CLTC: variants seen among roughly 807,000 people sequenced by gnomAD.
The protein encoded by CLTC is clathrin heavy chain, also known as clathrin heavy chain 1.
In CLTC, 16 loss-of-function variants were observed where a neutral mutation model predicts 195.8. The ratio of observed to expected loss-of-function variants is 0.08; its 90% CI spans 0.06 to 0.12. The LOEUF (loss-of-function observed/expected upper bound fraction) is 0.12, where lower values mean the gene tolerates loss of function less well. CLTC is among the 10% of genes least tolerant of loss of function. The probability of loss-of-function intolerance (pLI) is 1.00; values close to 1 mark genes in which losing one functional copy is unlikely to be tolerated. For missense variants in CLTC, 796 were observed against 2,027.0 expected (o/e 0.39, Z 11.66); for synonymous variants, 667 against 689.4 (o/e 0.97, Z 0.51).
intron 2 of CLTC, 36 bp downstream of exon 2, chr17:59,644,519 CTA>C (rs769119047): frequency 6.0e-6 from 9 of 1,498,932 alleles, no homozygotes; most frequent in Non-Finnish European, 5.5e-6. Context: ...AAAACTCTTC[CTA>C]TGTTTTTGTT....
intron 1 of CLTC, among the ~76,000 whole-genome samples, chr17:59,640,924 T>C (rs2032011653): frequency 6.6e-6 from 1 of 151,906 alleles, no homozygotes; most frequent in Middle Eastern, 3.4e-3. Context: ...ATCGAGACCA[T>C]TCTGGCCAAC....
At chr17:59,646,674 C>T (rs1364342292) in intron 2 of CLTC, among the ~76,000 whole-genome samples, 3 of 152,194 alleles carry the variant, frequency 2.0e-5, no homozygotes, top group Non-Finnish European at 4.4e-5. Context: ...ACTCAGTGGA[C>T]TCTTAACACT....
intron 1 of CLTC, among the ~76,000 whole-genome samples, chr17:59,628,833 TG>T (rs1958396103): frequency 6.6e-6 from 1 of 152,118 alleles, no homozygotes; most frequent in Non-Finnish European, 1.5e-5. Context: ...GAATTTTTTT[TG>T]TATTTTTAGT....
chr17:59,656,111 C>T (rs1299986860), intron 6 of CLTC, 84 bp downstream of exon 6: 1 of 1,225,650 alleles, frequency 8.2e-7, no homozygotes, highest in East Asian at 2.7e-5. Flanking sequence ...AAATTACTCC[C>T]CAAGATTAAA....
intron 1 of CLTC, among the ~76,000 whole-genome samples, chr17:59,623,210 A>G (rs2031438055): frequency 6.6e-6 from 1 of 152,132 alleles, no homozygotes; most frequent in Non-Finnish European, 1.5e-5. Flanking sequence ...CAGGCATGGA[A>G]TGTGTTGTTG....
chr17:59,676,978 A>G lies in CLTC; in HGVS notation c.2586A>G (p.Leu862=). 1 of 1,614,058 alleles carries G rather than the reference A, an allele frequency of 6.2e-7. No individual in the cohort carries two copies. The highest frequency in any genetic ancestry group is 2.2e-5 in the East Asian group (1 of 44,870). ...GATTGAAACTGCTTCTGCCTTGGCT[A>G]GAGGCCAGAATTCATGAGGGCTGTG... ...RNRLKLLLPW[L]EARIHEGCEE... is the part of the protein sequence containing the mutation. Residue 862 remains leucine, a synonymous_variant, in exon 17 of 32, where the codon CTA becomes CTG. Transcript: ENST00000269122.
chr17:59,664,080 AT>A, intron 9 of CLTC, 86 bp downstream of exon 9: 1 of 1,116,300 alleles, frequency 9.0e-7, no homozygotes, highest in Non-Finnish European at 1.3e-6. Context: ...GATTACTTTA[AT>A]AGTGAATTTC....
chr17:59,664,952 G>A, intron 10 of CLTC, 43 bp downstream of exon 10: 1 of 1,605,956 alleles, frequency 6.2e-7, no homozygotes, highest in East Asian at 2.2e-5. Flanking sequence ...GATTGAAATG[G>A]AGAGTGGGGG....
At chr17:59,676,161 T>C (rs988048887) in intron 16 of CLTC, among the ~76,000 whole-genome samples, 4 of 152,112 alleles carry the variant, frequency 2.6e-5, no homozygotes, top group African/African-American at 9.7e-5. Flanking sequence ...AGCCCTCCAC[T>C]GCACTCCAGC....
At chr17:59,677,263 T>C (rs2032986850) in intron 17 of CLTC, 75 bp downstream of exon 17, 1 of 1,142,544 alleles carries the variant, frequency 8.8e-7, no homozygotes, top group African/African-American at 1.5e-5. Flanking sequence ...CAGGGTAATT[T>C]TAGGTAATAT....
intron 14 of CLTC, among the ~76,000 whole-genome samples, chr17:59,672,821 G>A (rs1483546006): frequency 2.0e-5 from 3 of 152,074 alleles, no homozygotes; most frequent in Admixed American, 2.0e-4. Flanking sequence ...ACCCTACTTA[G>A]TTCTGCTTCC....
chr17:59,661,656 A>T lies in CLTC; in HGVS notation c.1368+13A>T, dbSNP rs1329237754. The T allele has an allele frequency of 1.2e-6, 2 of 1,611,484 alleles. No homozygotes were observed. The highest frequency in any genetic ancestry group is 1.7e-6 in the Non-Finnish European group (2 of 1,177,702). On this transcript the variant is annotated intron_variant, in intron 8 of 31. Transcript: ENST00000269122. The stretch of plus-strand genomic sequence containing the variant: ...AAAAGAAGATAAGGTACGTTAAATT[A>T]TGTTGACATAATCTTGCTTTGGTTG...
At chr17:59,620,258 C>T in intron 1 of CLTC, 85 bp downstream of exon 1, 1 of 1,430,838 alleles carries the variant, frequency 7.0e-7, no homozygotes, top group Non-Finnish European at 9.8e-7. Context: ...CGAGCAGTAT[C>T]GGAGCTGGAG....
At chr17:59,669,510 G>A (rs1158411000) in intron 14 of CLTC, among the ~76,000 whole-genome samples, 7 of 152,222 alleles carry the variant, frequency 4.6e-5, no homozygotes, top group African/African-American at 7.2e-5. Flanking sequence ...GCAGGGAGGA[G>A]TAATGGTTGA....
chr17:59,654,932 G>T (rs1431243014), intron 5 of CLTC, among the ~76,000 whole-genome samples: 1 of 152,212 alleles, frequency 6.6e-6, no homozygotes, highest in Non-Finnish European at 1.5e-5. Context: ...TTTCTTAGAT[G>T]TGAGAAAATG....
Position 59,694,395 on chromosome 17 carries a change from A to T in CLTC, c.*543A>T, listed in dbSNP as rs1463368244. The T allele has an allele frequency of 3.1e-5, 7 of 224,580 alleles. No homozygotes were observed. Among genetic ancestry groups the T allele is most frequent in the Non-Finnish European group, 5.3e-5 (6 of 112,472 alleles). 13.9% of individuals were successfully genotyped at this position (224,580 alleles called of 1,614,324 possible). A position where few individuals can be genotyped will look rare whatever the true frequency, so the allele number is the denominator to read the frequency against. ...GCAGTGCTTCCCAGATTATTGAAAA[A>T]TGTTACAGACAACTTGCCTGATTTT... On this transcript the variant is annotated 3_prime_UTR_variant, in exon 32 of 32. Transcript: ENST00000269122.
intron 30 of CLTC, among the ~76,000 whole-genome samples, chr17:59,686,288 G>A (rs1288483041): frequency 6.6e-6 from 1 of 151,562 alleles, no homozygotes; most frequent in African/African-American, 2.4e-5. Context: ...TACCATAGGA[G>A]GTGAACATGG....
chr17:59,677,733 T>C (rs1379652631), intron 17 of CLTC, among the ~76,000 whole-genome samples: 1 of 152,252 alleles, frequency 6.6e-6, no homozygotes, highest in South Asian at 2.1e-4. Context: ...TTCATGTCTT[T>C]AGTCTCCTGT....
In CLTC at chr17:59,681,548, A is replaced by G. The variant is rs961364599; in HGVS notation, c.3249+70A>G. ...ATGAGGGTGGGCCTAATTGGTTGCT[A>G]CGGCAATAGAGCAGCAATAAAATAC... On this transcript the variant is annotated intron_variant, in intron 20 of 31. Transcript: ENST00000269122. This position sits in a 1 kb window ranked among gnomAD's most constrained non-coding sequence, Gnocchi z 5.0. 1 of 1,574,688 alleles carries G rather than the reference A, an allele frequency of 6.4e-7. No homozygotes were observed. The highest frequency in any genetic ancestry group is 8.7e-7 in the Non-Finnish European group (1 of 1,150,338).
Sources: allele counts gnomAD v4.1 joint callset (sites outside exome capture counted in the v4.1 genomes callset), GRCh38; gene constraint gnomAD v4.1.1; non-coding constraint Gnocchi (gnomAD v3.1); transcripts MANE v1.5; gene names NCBI Gene and HGNC (gene_info 2026-07-23, HGNC 2026-07-21).